The following DDRGK1 variants were observed in gnomAD, a reference collection of about 807,000 sequenced individuals.
DDRGK1 encodes the protein DDRGK domain-containing protein 1.
Under a neutral mutation model 45.8 loss-of-function variants are expected in DDRGK1, and 38 were observed. The observed-to-expected ratio is 0.83, with a 90% CI of 0.64 to 1.09. DDRGK1 has a LOEUF of 1.09. Ranked by LOEUF, DDRGK1 falls within the 50% of genes least tolerant of loss-of-function variation. The pLI is 0.00. For synonymous variants in DDRGK1, 171 were observed against 168.7 expected (o/e 1.01, Z -0.11); for missense variants, 403 against 419.9 (o/e 0.96, Z 0.35).
Position 3,194,879 on chromosome 20 carries a change from A to C in DDRGK1, c.634-11T>G, listed in dbSNP as rs1307810136. The C allele has an allele frequency of 6.2e-7, 1 of 1,613,840 alleles. No homozygotes were observed. The highest frequency in any genetic ancestry group is 8.5e-7 in the Non-Finnish European group (1 of 1,179,920). On this transcript the variant is annotated splice_polypyrimidine_tract_variant and intron_variant, in intron 5 of 8. Transcript: ENST00000354488. ...CAGGAAGCTCTGGGACTAGAGAAGCAGAGAAATCAGGGTGAGCACCCCCTA... is the reference window on the plus strand; with the variant it reads ...CAGGAAGCTCTGGGACTAGAGAAGCCGAGAAATCAGGGTGAGCACCCCCTA...
At chr20:3,201,659 T>C (rs960856149) in intron 2 of DDRGK1, among the ~76,000 whole-genome samples, 36 of 151,602 alleles carry the variant, frequency 2.4e-4, no homozygotes, top group Non-Finnish European at 1.2e-4. Context: ...GTTGTTTTTT[T>C]TGGTTTTTTT....
intron 4 of DDRGK1, among the ~76,000 whole-genome samples, chr20:3,196,219 G>C (rs1217315636): frequency 1.3e-5 from 2 of 152,128 alleles, no homozygotes; most frequent in African/African-American, 4.8e-5. Context: ...CTGGCTCTGT[G>C]AATTAACACA....
intron 1 of DDRGK1, among the ~76,000 whole-genome samples, chr20:3,203,925 T>C (rs11697114): frequency 0.11 from 17,355 of 152,164 alleles, 1,115 homozygotes; most frequent in African/African-American, 0.13. Flanking sequence ...AAAACACATA[T>C]ACAAACCCGC....
At chr20:3,200,187 C>T in intron 3 of DDRGK1, 85 bp from the exon 4 acceptor site, 1 of 1,528,990 alleles carries the variant, frequency 6.5e-7, no homozygotes, top group Non-Finnish European at 8.8e-7. Context: ...AAGGCAATGC[C>T]TGGGCCAGGG....
At position 3,200,250 on chromosome 20, in the gene DDRGK1, A is replaced by G. The variant is rs549274350; in HGVS notation, c.408+92T>C. On this transcript the variant is annotated intron_variant, in intron 3 of 8. Transcript: ENST00000354488. ...CCAGGGAAGCAGCAAACACCAGCCCAGCAGGCAACAAGCCCTCAGTCTGCC... is the reference window on the plus strand; with the variant it reads ...CCAGGGAAGCAGCAAACACCAGCCCGGCAGGCAACAAGCCCTCAGTCTGCC... 1.1e-4 allele frequency: 160 copies of G among 1,462,398 alleles called. 1 individual carries two copies. Among genetic ancestry groups the G allele is most frequent in the South Asian group, 4.9e-4 (38 of 78,048 alleles). 90.6% of individuals were successfully genotyped at this position (1,462,398 alleles called of 1,614,324 possible). A position where few individuals can be genotyped will look rare whatever the true frequency, so the allele number is the denominator to read the frequency against.
rs541303668 is a variant in DDRGK1 at position 3,204,548 on chromosome 20, C to G, written c.80G>C (p.Arg27Pro). The G allele has an allele frequency of 6.4e-7, 1 of 1,567,374 alleles. No homozygotes were observed. The highest frequency in any genetic ancestry group is 8.6e-7 in the Non-Finnish European group (1 of 1,163,020). The change falls in exon 1 of 9, where the codon CGG (arginine) becomes CCG (proline). Residue 27 changes from arginine (R) to proline (P), a missense_variant. Arg to Pro is a moderately radical substitution (Grantham distance 103). Coordinates refer to ENST00000354488, the MANE Select transcript of DDRGK1 (RefSeq NM_023935.3). ...FILFLTRSRG[R>P]AASAGQEPLH... ...GCGGCATCTCCTACCTGATGCCGCC[C>G]GGCCCCGGCTGCGAGTCAGGAAGAG...
chr20:3,193,208 G>A (rs1365930980), intron 6 of DDRGK1, among the ~76,000 whole-genome samples: 3 of 152,164 alleles, frequency 2.0e-5, no homozygotes, highest in Admixed American at 6.6e-5. Context: ...TCTCATAAAC[G>A]ATGCTGGGTG....
chr20:3,203,395 T>A lies in DDRGK1; in HGVS notation c.113A>T (p.Asn38Ile). 2.5e-6 allele frequency: 4 copies of A among 1,594,692 alleles called. No homozygotes were observed. In the South Asian group the frequency reaches 4.5e-5, roughly 18 times the overall value. The change falls in exon 2 of 9, where the codon AAT becomes ATT. Residue 38 changes from asparagine (N) to isoleucine (I), a missense_variant. By Grantham distance (149) the Asn-to-Ile change is moderately radical. Transcript: ENST00000354488. The stretch of plus-strand genomic sequence containing the variant: ...CCGGCCTGCTCCTGCCAGCTCCTCA[T>A]TGTGCAGTGGCTCTTGGCCGGCTGT... ...AASAGQEPLH[N>I]EELAGAGRVA... is the part of the protein sequence containing the mutation.
intron 2 of DDRGK1, among the ~76,000 whole-genome samples, chr20:3,202,205 T>C (rs1166980603): frequency 1.9e-4 from 27 of 141,126 alleles, no homozygotes; most frequent in Middle Eastern, 5.0e-3. Context: ...CCACCCTCCT[T>C]GGCCTCCCAA....
chr20:3,200,503 G>T, intron 2 of DDRGK1, 49 bp from the exon 3 acceptor site: 1 of 1,500,412 alleles, frequency 6.7e-7, no homozygotes. Flanking sequence ...AGAGAGGACT[G>T]ATGACGATGG....
intron 4 of DDRGK1, among the ~76,000 whole-genome samples, chr20:3,199,580 T>C (rs8121983): frequency 0.31 from 46,803 of 152,068 alleles, 7,450 homozygotes; most frequent in South Asian, 0.44. Context: ...CATTAGTCAC[T>C]ACTGCAGTGG....
At chr20:3,190,865 C>T in intron 8 of DDRGK1, 46 bp from the exon 9 acceptor site, 1 of 1,565,832 alleles carries the variant, frequency 6.4e-7, no homozygotes, top group South Asian at 1.2e-5. Context: ...CTGGGCGTTC[C>T]CCATCTGGCC....
At chr20:3,200,906 C>G (rs111769518) in intron 2 of DDRGK1, among the ~76,000 whole-genome samples, 18,887 of 152,050 alleles carry the variant, frequency 0.12, 1,504 homozygotes, top group Non-Finnish European at 0.17. Flanking sequence ...GTTAGGAGAT[C>G]GAGATCATCC....
chr20:3,196,596 G>C (rs2067011723), intron 4 of DDRGK1, among the ~76,000 whole-genome samples: 1 of 152,070 alleles, frequency 6.6e-6, no homozygotes, highest in East Asian at 1.9e-4. Flanking sequence ...CAGGAGAATG[G>C]CGTGAACCTG....
At position 3,203,354 on chromosome 20, in the gene DDRGK1, G is replaced by T; in HGVS notation, c.154C>A (p.Pro52Thr). ...GCTCTCGGCTCCTCAGGCTCCAGGGGCCCAGGCTGGGCCACCCGGCCTGCT... is the reference window on the plus strand; with the variant it reads ...GCTCTCGGCTCCTCAGGCTCCAGGGTCCCAGGCTGGGCCACCCGGCCTGCT... ...AGAGRVAQPGPLEPEEPRAGG... is the reference protein window; with the variant it reads ...AGAGRVAQPGTLEPEEPRAGG... Residue 52 changes from proline (P) to threonine (T), a missense_variant, in exon 2 of 9, where the codon CCC becomes ACC. Coordinates refer to ENST00000354488, the MANE Select transcript of DDRGK1 (RefSeq NM_023935.3). 1 of 1,608,060 alleles carries T rather than the reference G, an allele frequency of 6.2e-7. No individual in the cohort carries two copies. The highest frequency in any genetic ancestry group is 8.5e-7 in the Non-Finnish European group (1 of 1,176,986).
intron 1 of DDRGK1, among the ~76,000 whole-genome samples, chr20:3,203,757 T>G (rs1404612566): frequency 6.6e-6 from 1 of 152,132 alleles, no homozygotes; most frequent in Non-Finnish European, 1.5e-5. Flanking sequence ...ACACCACCTG[T>G]GGTTTTATCT....
At chr20:3,204,077 G>T (rs1165452631) in intron 1 of DDRGK1, among the ~76,000 whole-genome samples, 2 of 152,176 alleles carry the variant, frequency 1.3e-5, no homozygotes, top group South Asian at 2.1e-4. Context: ...AGAGCTTCAG[G>T]AATTTCCTGG....
At chr20:3,202,957 T>G (rs1192126200) in intron 2 of DDRGK1, among the ~76,000 whole-genome samples, 1 of 152,062 alleles carries the variant, frequency 6.6e-6, no homozygotes, top group Admixed American at 6.6e-5. Context: ...ATAGAAGGGG[T>G]GAATTGAGGA....
intron 4 of DDRGK1, among the ~76,000 whole-genome samples, chr20:3,198,237 C>T (rs2067020262): frequency 6.6e-6 from 1 of 151,192 alleles, no homozygotes; most frequent in Non-Finnish European, 1.5e-5. Flanking sequence ...GAAACCCTCT[C>T]TCTACTAAAA....
Sources: allele counts gnomAD v4.1 joint callset (sites outside exome capture counted in the v4.1 genomes callset), GRCh38; gene constraint gnomAD v4.1.1; transcripts MANE v1.5; gene names NCBI Gene and HGNC (gene_info 2026-07-23, HGNC 2026-07-21).